NUMB: variants seen among roughly 807,000 people sequenced by gnomAD.
The protein encoded by NUMB is protein numb homolog.
NUMB carries 29 observed loss-of-function variants against 59.7 expected under a neutral mutation model. The observed-to-expected ratio is 0.49, with a 90% CI of 0.36 to 0.66. NUMB has a LOEUF of 0.66. NUMB is among the 30% of genes least tolerant of loss of function. The pLI is 0.00. For synonymous variants in NUMB, 288 were observed against 288.2 expected, an observed-to-expected ratio of 1.00 and a Z score of 0.01; for missense variants, 723 against 822.0, an observed-to-expected ratio of 0.88 and a Z score of 1.47.
intron 1 of NUMB, among the ~76,000 whole-genome samples, chr14:73,417,938 C>G (rs183542433): frequency 6.6e-6 from 1 of 152,134 alleles, no homozygotes; most frequent in Non-Finnish European, 1.5e-5. Flanking sequence ...AACCCCATCT[C>G]TACTAAAAGT....
rs752154048 is a variant in NUMB, at chr14:73,445,354, C to CAAAAAAAAAAAAAAAAA, written c.-233+13122_-233+13138dup. 2.4e-4 allele frequency among the ~76,000 whole-genome samples: 14 copies of CAAAAAAAAAAAAAAAAA among 57,578 alleles called. 2 individuals carry two copies. The highest frequency in any genetic ancestry group is 8.3e-4 in the Admixed American group (3 of 3,602). 37.8% of individuals were successfully genotyped at this position (57,578 alleles called of 152,430 possible). ...TGAGTGACAAAGTGAGACCCTGTCT[C>CAAAAAAAAAAAAAAAAA]AAAAAAAAAAAAAAAAAAAAAAAAA... On this transcript the variant is annotated intron_variant, in intron 1 of 12. Coordinates refer to ENST00000555238, the MANE Select transcript of NUMB (RefSeq NM_001005743.2).
At chr14:73,353,044 C>A (rs1188184586) in intron 4 of NUMB, among the ~76,000 whole-genome samples, 3 of 136,904 alleles carry the variant, frequency 2.2e-5, no homozygotes, top group African/African-American at 5.3e-5. Flanking sequence ...GCAAAGAATT[C>A]AACTTAATGG....
intron 6 of NUMB, among the ~76,000 whole-genome samples, chr14:73,301,484 C>T: frequency 6.6e-6 from 1 of 152,194 alleles, no homozygotes; most frequent in Non-Finnish European, 1.5e-5. Context: ...GTTGCCCAGG[C>T]TGCCATACAA....
At chr14:73,406,747 C>T (rs1442662896) in intron 2 of NUMB, among the ~76,000 whole-genome samples, 1 of 152,174 alleles carries the variant, frequency 6.6e-6, no homozygotes, top group African/African-American at 2.4e-5. Context: ...ACATCCTCTC[C>T]AGCACCTGTT....
intron 7 of NUMB, among the ~76,000 whole-genome samples, chr14:73,293,075 C>T (rs961344536): frequency 6.6e-6 from 1 of 152,190 alleles, no homozygotes; most frequent in South Asian, 2.1e-4. Flanking sequence ...CCAGATACCT[C>T]TCTCAACTAC....
intron 6 of NUMB, among the ~76,000 whole-genome samples, chr14:73,303,571 G>A (rs554928025): frequency 1.3e-5 from 2 of 151,994 alleles, no homozygotes; most frequent in Admixed American, 1.3e-4. Flanking sequence ...GTGACAGAGC[G>A]AGACTCCATC....
At position 73,448,596 on chromosome 14, in the gene NUMB, T is replaced by C. The variant is rs185136366; in HGVS notation, c.-233+9897A>G. 1.5e-4 allele frequency among the ~76,000 whole-genome samples: 23 copies of C among 152,296 alleles called. 1 individual carries two copies. Among genetic ancestry groups the C allele is most frequent in the Admixed American group, 1.4e-3 (21 of 15,282 alleles). ...TTCTGAAATAAAAACTATTTCTACT[T>C]GAATTGCGAAGATAAATATATTAAC... On this transcript the variant is annotated intron_variant, in intron 1 of 12. Coordinates refer to ENST00000555238, the MANE Select transcript of NUMB (RefSeq NM_001005743.2).
intron 1 of NUMB, among the ~76,000 whole-genome samples, chr14:73,449,379 T>C (rs1883770369): frequency 6.6e-6 from 1 of 152,174 alleles, no homozygotes; most frequent in East Asian, 1.9e-4. Context: ...TGTTATATAA[T>C]CTCTAGATTA....
intron 1 of NUMB, among the ~76,000 whole-genome samples, chr14:73,411,843 A>G (rs1308728884): frequency 6.6e-6 from 1 of 151,606 alleles, no homozygotes; most frequent in Non-Finnish European, 1.5e-5. Flanking sequence ...ATATACATGC[A>G]TGTTTTAGAA....
chr14:73,399,190 T>C (rs1278972918), intron 2 of NUMB, among the ~76,000 whole-genome samples: 1 of 152,168 alleles, frequency 6.6e-6, no homozygotes, highest in African/African-American at 2.4e-5. Flanking sequence ...TGAAAATATT[T>C]CAAAAATAAG....
At chr14:73,367,064 CA>C (rs1022893702) in intron 2 of NUMB, 83 bp from the exon 3 acceptor site, 4 of 151,766 alleles carry the variant, frequency 2.6e-5, no homozygotes, top group Non-Finnish European at 4.4e-5. Flanking sequence ...TAACTCCAAA[CA>C]AAACACACAC....
Position 73,284,096 on chromosome 14 carries a change from G to A in NUMB, c.934C>T (p.Pro312Ser), listed in dbSNP as rs531062977. 10 of 1,614,020 alleles carry A rather than the reference G, an allele frequency of 6.2e-6. No individual in the cohort carries two copies. In the Admixed American group the frequency reaches 8.3e-5, roughly 13 times the overall value. ...PSTMQRKTDF[P>S]IKNAVPEVEG... Reference sequence around the variant, plus strand: ...GCTACATTACCTGCATTTTTAATGGGGAAATCAGTCTTCCTCTGCATAGTG... The same window carrying A: ...GCTACATTACCTGCATTTTTAATGGAGAAATCAGTCTTCCTCTGCATAGTG... Residue 312 changes from proline (P) to serine (S), a missense_variant, in exon 10 of 13, where the codon CCC (proline) becomes TCC (serine). Coordinates refer to ENST00000555238, the MANE Select transcript of NUMB (RefSeq NM_001005743.2).
At chr14:73,282,609 T>A in intron 10 of NUMB, 104 bp from the exon 11 acceptor site, 2 of 1,230,798 alleles carry the variant, frequency 1.6e-6, no homozygotes, top group Non-Finnish European at 2.2e-6. Flanking sequence ...CCTGCTTATG[T>A]AAGAAAAGGC....
chr14:73,285,554 T>C (rs1342348741), intron 9 of NUMB: 1 of 152,018 alleles, frequency 6.6e-6, no homozygotes, highest in African/African-American at 2.4e-5. Context: ...CAAATAAAAA[T>C]ATGTATGCTT....
chr14:73,422,842 A>C (rs2140154414), intron 1 of NUMB, among the ~76,000 whole-genome samples: 1 of 151,622 alleles, frequency 6.6e-6, no homozygotes, highest in East Asian at 2.0e-4. Flanking sequence ...CCTGGGAATC[A>C]CATTTCAACG....
intron 6 of NUMB, among the ~76,000 whole-genome samples, chr14:73,300,257 C>A (rs1297360062): frequency 6.6e-6 from 1 of 152,012 alleles, no homozygotes; most frequent in African/African-American, 2.4e-5. Flanking sequence ...GGCTAGAATA[C>A]AAGTTTTAGA....
chr14:73,377,613 C>G lies in NUMB; in HGVS notation c.-100-10632G>C, dbSNP rs148033342. ...CGAGATCATGCCATTACACTCCAGC[C>G]TGGGTGACAGAGACTCCGTCTCAAA... On this transcript the variant is annotated intron_variant, in intron 2 of 12. Coordinates refer to ENST00000555238, the MANE Select transcript of NUMB (RefSeq NM_001005743.2). 7.1e-3 allele frequency among the ~76,000 whole-genome samples: 1,078 copies of G among 152,188 alleles called. 16 individuals are homozygous for G. The highest frequency in any genetic ancestry group is 0.025 in the African/African-American group (1,034 of 41,532).
chr14:73,405,596 C>A (rs1009399181), intron 2 of NUMB, among the ~76,000 whole-genome samples: 1 of 152,024 alleles, frequency 6.6e-6, no homozygotes, highest in Non-Finnish European at 1.5e-5. Flanking sequence ...AGCCACTGTG[C>A]TCAGCAGCTT....
intron 3 of NUMB, among the ~76,000 whole-genome samples, chr14:73,358,727 T>C (rs1893946533): frequency 6.6e-6 from 1 of 151,952 alleles, no homozygotes; most frequent in African/African-American, 2.4e-5. Flanking sequence ...CTTATAGTAA[T>C]TTCCTATTTC....
Sources: gnomAD v4.1 joint callset for allele counts (sites outside exome capture counted in the v4.1 genomes callset) on GRCh38, gnomAD v4.1.1 for gene constraint, MANE v1.5 for transcripts, NCBI Gene and HGNC (gene_info 2026-07-23, HGNC 2026-07-21) for gene names.